WDR27: variants seen among roughly 807,000 people sequenced by gnomAD.
The protein encoded by WDR27 is WD repeat-containing protein 27.
WDR27 carries 100 observed loss-of-function variants against 114.4 expected under a neutral mutation model. The observed-to-expected ratio is 0.87, with a 90% CI of 0.74 to 1.03. WDR27 has a LOEUF of 1.03. Among genes scored for constraint, WDR27 ranks in the 50% least tolerant of loss-of-function variants. The pLI is 0.00. For synonymous variants in WDR27, 449 were observed against 423.1 expected, an observed-to-expected ratio of 1.06 and a Z score of -0.75; for missense variants, 1,129 against 1,092.9, an observed-to-expected ratio of 1.03 and a Z score of -0.47.
chr6:169,612,194 G>T (rs1810703756), intron 22 of WDR27, among the ~76,000 whole-genome samples: 1 of 151,886 alleles, frequency 6.6e-6, no homozygotes, highest in African/African-American at 2.4e-5. Context: ...CACTTTGGGA[G>T]GCCAAGGCGG....
At position 169,592,251 on chromosome 6, in the gene WDR27, TG is replaced by T. The variant is rs549529480; in HGVS notation, c.2425-9318del. Among the ~76,000 whole-genome samples the T allele has an allele frequency of 2.5e-3, 387 of 152,218 alleles. 4 individuals carry two copies. Among genetic ancestry groups the T allele is most frequent in the Admixed American group, 0.017 (262 of 15,286 alleles). ...GAAAAACCTACTGGCATTTTGTTGTTGTTGTTGTTGGGGGAGTGTTAAATCT... is the reference window on the plus strand; with the variant it reads ...GAAAAACCTACTGGCATTTTGTTGTTTTGTTGTTGGGGGAGTGTTAAATCT... On this transcript the variant is annotated intron_variant, in intron 23 of 25. Coordinates refer to ENST00000448612, the MANE Select transcript of WDR27 (RefSeq NM_182552.5).
intron 21 of WDR27, among the ~76,000 whole-genome samples, chr6:169,626,151 G>T (rs1313287661): frequency 6.6e-6 from 1 of 152,232 alleles, no homozygotes. Context: ...GGTCCACAGT[G>T]GGTGATGATA....
intron 7 of WDR27, chr6:169,665,165 G>A (rs1472118821): frequency 9.3e-7 from 1 of 1,074,010 alleles, no homozygotes; most frequent in South Asian, 3.7e-5. Flanking sequence ...ACCCGTGGGA[G>A]CGGGGGACGT....
intron 25 of WDR27, among the ~76,000 whole-genome samples, chr6:169,494,862 A>G (rs1790200769): frequency 1.3e-5 from 2 of 152,294 alleles, no homozygotes; most frequent in East Asian, 3.9e-4. Flanking sequence ...TTGCTCAAAC[A>G]CATGTGAAAG....
chr6:169,529,317 G>GC (rs1554281627), intron 25 of WDR27, among the ~76,000 whole-genome samples: 3 of 141,046 alleles, frequency 2.1e-5, no homozygotes, highest in Non-Finnish European at 3.1e-5. Flanking sequence ...CTCTGCGGGG[G>GC]GGGGGGGCAG....
At chr6:169,457,660 T>C (rs1439331811) in intron 25 of WDR27, 26 bp from the exon 26 acceptor site, 1 of 1,534,610 alleles carries the variant, frequency 6.5e-7, no homozygotes, top group Admixed American at 2.0e-5. Context: ...AAATACCATG[T>C]AATTCCAATC....
At chr6:169,536,257 G>A (rs74908176) in intron 25 of WDR27, among the ~76,000 whole-genome samples, 3,125 of 152,144 alleles carry the variant, frequency 0.021, 68 homozygotes, top group East Asian at 0.082. Context: ...CTTATATAAG[G>A]ACCACATCTG....
chr6:169,444,559 G>A, the WDR27 span, among the ~76,000 whole-genome samples: 6 of 152,290 alleles, frequency 3.9e-5, no homozygotes, highest in Non-Finnish European at 7.4e-5. Flanking sequence ...GCCAACCACC[G>A]CTGCCTCCTT....
chr6:169,510,214 TTGGC>T (rs1792629762), intron 25 of WDR27, among the ~76,000 whole-genome samples: 1 of 152,180 alleles, frequency 6.6e-6, no homozygotes, highest in Non-Finnish European at 1.5e-5. Flanking sequence ...ATTGTGGAAG[TTGGC>T]GTGGCAATTC....
chr6:169,566,353 C>A (rs1239403842), intron 25 of WDR27, among the ~76,000 whole-genome samples: 1 of 152,212 alleles, frequency 6.6e-6, no homozygotes, highest in African/African-American at 2.4e-5. Context: ...GTCTGACAGC[C>A]CTTGCTCCTG....
At chr6:169,481,420 C>G (rs757780657) in intron 25 of WDR27, among the ~76,000 whole-genome samples, 7 of 152,250 alleles carry the variant, frequency 4.6e-5, no homozygotes, top group Non-Finnish European at 1.0e-4. Flanking sequence ...TAAAAGCAGG[C>G]TGCCCAAGCC....
chr6:169,486,323 A>G (rs1024531232), intron 25 of WDR27, among the ~76,000 whole-genome samples: 2 of 152,148 alleles, frequency 1.3e-5, no homozygotes, highest in African/African-American at 4.8e-5. Flanking sequence ...TTGACCCAGC[A>G]AAGCCATTAT....
chr6:169,638,173 G>A lies in WDR27; in HGVS notation c.1869+366C>T, dbSNP rs555054386. Among the ~76,000 whole-genome samples the A allele has an allele frequency of 7.7e-4, 93 of 120,602 alleles. 8 individuals carry two copies. The South Asian group carries it at 0.024, about 31-fold the overall frequency. 79.1% of individuals were successfully genotyped at this position (120,602 alleles called of 152,430 possible). ...CTACTAAAAATACAAAAAATTAGCC[G>A]GGCGCGGTGGCGGGCGCCTGTAGTC... On this transcript the variant is annotated intron_variant, in intron 18 of 25. Transcript: ENST00000448612.
intron 25 of WDR27, among the ~76,000 whole-genome samples, chr6:169,513,107 G>T (rs776978356): frequency 2.0e-5 from 3 of 152,152 alleles, no homozygotes; most frequent in Non-Finnish European, 4.4e-5. Flanking sequence ...TTTTGTGGGT[G>T]AGTCTTCTGT....
chr6:169,432,907 A>C, the WDR27 span, among the ~76,000 whole-genome samples: 20 of 152,170 alleles, frequency 1.3e-4, no homozygotes, highest in African/African-American at 4.1e-4. Context: ...GGAGGGCTAG[A>C]AGACAGGAAA....
chr6:169,625,557 T>C (rs995176937), intron 21 of WDR27, among the ~76,000 whole-genome samples: 3 of 152,166 alleles, frequency 2.0e-5, no homozygotes, highest in Admixed American at 2.0e-4. Flanking sequence ...TGGGCTGAAG[T>C]GCCGGGGACC....
chr6:169,560,173 G>A (rs1030872264), intron 25 of WDR27, among the ~76,000 whole-genome samples: 4 of 152,088 alleles, frequency 2.6e-5, no homozygotes, highest in African/African-American at 7.2e-5. Flanking sequence ...TGTCTTTCCC[G>A]TGCTGTTCTC....
Position 169,665,507 on chromosome 6 carries a change from G to C in WDR27, c.762C>G (p.Val254=). 6.2e-7 allele frequency: 1 copy of C among 1,613,792 alleles called. No individual in the cohort carries two copies. ...TCACCTGGCCGTCAGCACACCCGGT[G>C]ACCAGCTGCCTGCTTTCTGCATCAA... The part of the protein sequence containing the change: ...LFIDAESRQL[V]TGCADGQLWI... The change falls in exon 7 of 26, where the codon GTC becomes GTG. Residue 254 remains valine, a synonymous_variant. Coordinates refer to ENST00000448612, the MANE Select transcript of WDR27 (RefSeq NM_182552.5).
rs1198093080 is a variant in WDR27, at chr6:169,647,823, TG to T, written c.1606del (p.Gln536ArgfsTer39). 2.5e-6 allele frequency: 4 copies of T among 1,584,292 alleles called. No individual in the cohort carries two copies. The highest frequency in any genetic ancestry group is 1.8e-5 in the Admixed American group (1 of 55,602). On this transcript the variant is annotated frameshift_variant, in exon 16 of 26. Coordinates refer to ENST00000448612, the MANE Select transcript of WDR27 (RefSeq NM_182552.5). LOFTEE classifies it high-confidence loss of function. ...ECAVPTKPGPQVAAAPTCTRV... is the reference protein window; with the variant it reads ...ECAVPTKPGPXVAAAPTCTRV... Reference sequence around the variant, plus strand: ...TGTGCAGGTGGGGGCGGCAGCGACCTGGGGGCCGGGCTTGGTGGGCACAGCG... The same window carrying T: ...TGTGCAGGTGGGGGCGGCAGCGACCTGGGGCCGGGCTTGGTGGGCACAGCG...
Sources: allele counts gnomAD v4.1 joint callset (sites outside exome capture counted in the v4.1 genomes callset), GRCh38; gene constraint gnomAD v4.1.1; transcripts MANE v1.5; gene names NCBI Gene and HGNC (gene_info 2026-07-23, HGNC 2026-07-21).